The following IQCJ variants were observed in gnomAD, a reference collection of about 807,000 sequenced individuals.
IQCJ encodes IQ domain-containing protein J.
A neutral mutation model predicts 11.0 loss-of-function variants in IQCJ; 9 were observed. The ratio of observed to expected loss-of-function variants is 0.82; its 90% CI spans 0.49 to 1.43. IQCJ has a LOEUF of 1.43. Among genes scored for constraint, IQCJ ranks in the 40% most tolerant of loss-of-function variants. The pLI is 0.00. For missense variants in IQCJ, 146 were observed against 133.2 expected, an observed-to-expected ratio of 1.10 and a Z score of -0.47; for synonymous variants, 55 against 51.3, an observed-to-expected ratio of 1.07 and a Z score of -0.31.
intron 1 of IQCJ, among the ~76,000 whole-genome samples, chr3:159,087,537 C>A (rs1330111226): frequency 6.6e-6 from 1 of 151,888 alleles, no homozygotes; most frequent in Non-Finnish European, 1.5e-5. Flanking sequence ...AGCTGTGAAT[C>A]CATCTGGTCC....
intron 1 of IQCJ, among the ~76,000 whole-genome samples, chr3:159,082,070 C>T (rs114168593): frequency 0.015 from 2,348 of 152,098 alleles, 70 homozygotes; most frequent in African/African-American, 0.054. Flanking sequence ...TAAATTTGAA[C>T]AGCCAATTTA....
intron 1 of IQCJ, among the ~76,000 whole-genome samples, chr3:159,114,916 C>G (rs1718871973): frequency 1.3e-5 from 2 of 152,176 alleles, no homozygotes; most frequent in African/African-American, 4.8e-5. Flanking sequence ...AGGTTTCCTG[C>G]CCCCCTGCCC....
At chr3:159,205,247 A>G (rs1222503007) in intron 1 of IQCJ, among the ~76,000 whole-genome samples, 1 of 152,230 alleles carries the variant, frequency 6.6e-6, no homozygotes, top group Non-Finnish European at 1.5e-5. Context: ...GTGTATTACA[A>G]GGAAAGGATA....
At chr3:159,175,743 G>T (rs925597072) in intron 1 of IQCJ, among the ~76,000 whole-genome samples, 6 of 152,106 alleles carry the variant, frequency 3.9e-5, no homozygotes, top group Non-Finnish European at 8.8e-5. Flanking sequence ...CAACACTGAT[G>T]GAAATTTGGT....
chr3:159,237,358 G>A (rs879463083), intron 1 of IQCJ, among the ~76,000 whole-genome samples: 11 of 152,302 alleles, frequency 7.2e-5, no homozygotes, highest in East Asian at 1.9e-4. Flanking sequence ...CCACAGTGAT[G>A]GGCTTGTCTA....
At chr3:159,084,373 G>A (rs1225615283) in intron 1 of IQCJ, among the ~76,000 whole-genome samples, 1 of 152,068 alleles carries the variant, frequency 6.6e-6, no homozygotes, top group Non-Finnish European at 1.5e-5. Flanking sequence ...GTGGAAGAAT[G>A]GAAGACTAAT....
intron 1 of IQCJ, among the ~76,000 whole-genome samples, chr3:159,174,907 A>G (rs542621930): frequency 1.2e-3 from 189 of 152,278 alleles, no homozygotes; most frequent in Non-Finnish European, 2.3e-3. Flanking sequence ...ACGTATTTGA[A>G]ATAGAATTGC....
chr3:159,221,950 A>T (rs1725574765), intron 1 of IQCJ, among the ~76,000 whole-genome samples: 1 of 152,204 alleles, frequency 6.6e-6, no homozygotes, highest in Non-Finnish European at 1.5e-5. Context: ...CTTAAACTAA[A>T]AAACAAAGAG....
chr3:159,145,725 C>G (rs73027685), intron 1 of IQCJ, among the ~76,000 whole-genome samples: 6,052 of 152,150 alleles, frequency 0.04, 410 homozygotes, highest in African/African-American at 0.14. Context: ...ACTTACTGAT[C>G]CTATATTCCA....
At chr3:159,142,542 G>A (rs1355225295) in intron 1 of IQCJ, among the ~76,000 whole-genome samples, 1 of 151,880 alleles carries the variant, frequency 6.6e-6, no homozygotes, top group Non-Finnish European at 1.5e-5. Context: ...TCAGCTTCTC[G>A]AGTTGCTGGG....
chr3:159,222,095 TAAAAAATGATCGA>T (rs1725584906), intron 1 of IQCJ, among the ~76,000 whole-genome samples: 1 of 151,940 alleles, frequency 6.6e-6, no homozygotes, highest in Admixed American at 6.6e-5. Context: ...TTTCCTGAAA[TAAAAAATGATCGA>T]AATAGAACTC....
chr3:159,201,225 C>T (rs941657768), intron 1 of IQCJ, among the ~76,000 whole-genome samples: 80 of 152,248 alleles, frequency 5.3e-4, no homozygotes, highest in African/African-American at 1.8e-3. Context: ...AGAAACTGTA[C>T]TTACCATGTA....
At chr3:159,133,977 G>C (rs374380059) in intron 1 of IQCJ, among the ~76,000 whole-genome samples, 1 of 151,640 alleles carries the variant, frequency 6.6e-6, no homozygotes, top group Non-Finnish European at 1.5e-5. Flanking sequence ...CCAAAGGCTC[G>C]ACTGAGGAAA....
At chr3:159,172,118 G>C (rs770691365) in intron 1 of IQCJ, among the ~76,000 whole-genome samples, 23 of 152,074 alleles carry the variant, frequency 1.5e-4, no homozygotes, top group Non-Finnish European at 3.1e-4. Context: ...GAAGAAAATA[G>C]ATACGGAAAG....
chr3:159,145,594 A>G lies in IQCJ; in HGVS notation c.9+76153A>G, dbSNP rs985219005. On this transcript the variant is annotated intron_variant, in intron 1 of 3. Transcript: ENST00000397832. ...GTATGCTTTTTTTTTTTTTCTAAAT[A>G]TATTTCTTGACATCATAGGAGAGAC... Among the ~76,000 whole-genome samples the G allele has an allele frequency of 2.4e-4, 35 of 148,714 alleles. 1 individual carries two copies. Among genetic ancestry groups the G allele is most frequent in the Admixed American group, 2.1e-3 (32 of 15,010 alleles).
At chr3:159,170,824 C>G (rs1722447481) in intron 1 of IQCJ, among the ~76,000 whole-genome samples, 1 of 152,252 alleles carries the variant, frequency 6.6e-6, no homozygotes, top group Admixed American at 6.5e-5. Flanking sequence ...GGATTCCTTT[C>G]TCATAGCCCA....
chr3:159,143,073 G>A lies in IQCJ; in HGVS notation c.9+73632G>A, dbSNP rs151026602. Among the ~76,000 whole-genome samples the A allele has an allele frequency of 3.2e-3, 489 of 152,262 alleles. 1 individual carries two copies. The highest frequency in any genetic ancestry group is 0.011 in the African/African-American group (463 of 41,542). On this transcript the variant is annotated intron_variant, in intron 1 of 3. Transcript: ENST00000397832. ...TGTTGCTGCATTTTTTAACCATCAAGTGTGTACAGTCATATCCGTACATCA... is the reference window on the plus strand; with the variant it reads ...TGTTGCTGCATTTTTTAACCATCAAATGTGTACAGTCATATCCGTACATCA...
intron 1 of IQCJ, among the ~76,000 whole-genome samples, chr3:159,074,741 G>A (rs1022702164): frequency 6.6e-6 from 1 of 151,650 alleles, no homozygotes; most frequent in African/African-American, 2.4e-5. Flanking sequence ...AATTTCAACT[G>A]TAGAAACACC....
chr3:159,135,406 A>G (rs755036374), intron 1 of IQCJ, among the ~76,000 whole-genome samples: 1 of 152,180 alleles, frequency 6.6e-6, no homozygotes, highest in Non-Finnish European at 1.5e-5. Flanking sequence ...CTGTGTTGTT[A>G]AGACAGCATA....
Sources: gnomAD v4.1 joint callset for allele counts (sites outside exome capture counted in the v4.1 genomes callset) on GRCh38, gnomAD v4.1.1 for gene constraint, MANE v1.5 for transcripts, NCBI Gene and HGNC (gene_info 2026-07-23, HGNC 2026-07-21) for gene names.